Variants in SPTBN1 observed in about 807,000 individuals in gnomAD.
SPTBN1 encodes spectrin beta chain, non-erythrocytic 1.
Under a neutral mutation model 266.4 loss-of-function variants are expected in SPTBN1, and 32 were observed. That is an observed-to-expected ratio of 0.12 (90% confidence interval 0.09 to 0.16). SPTBN1 has a LOEUF of 0.16. Among genes scored for constraint, SPTBN1 ranks in the 10% least tolerant of loss-of-function variants. The probability of loss-of-function intolerance (pLI) is 1.00; values close to 1 mark genes in which losing one functional copy is unlikely to be tolerated. For synonymous variants in SPTBN1, 1,336 were observed against 1,162.2 expected (o/e 1.15, Z -3.04); for missense variants, 2,296 against 3,067.1 (o/e 0.75, Z 5.94).
intron 7 of SPTBN1, among the ~76,000 whole-genome samples, chr2:54,618,509 T>C (rs1677782398): frequency 6.6e-6 from 1 of 152,210 alleles, no homozygotes; most frequent in South Asian, 2.1e-4. Flanking sequence ...TTTAGGGTAA[T>C]AGCAGGGAAT....
intron 2 of SPTBN1, among the ~76,000 whole-genome samples, chr2:54,577,149 A>G (rs759731637): frequency 3.9e-5 from 6 of 152,188 alleles, no homozygotes; most frequent in Non-Finnish European, 8.8e-5. Context: ...ATCTTGGCAC[A>G]GGTCCCGGGA....
At chr2:54,478,839 G>A (rs1667970407) in intron 1 of SPTBN1, among the ~76,000 whole-genome samples, 1 of 152,086 alleles carries the variant, frequency 6.6e-6, no homozygotes, top group Admixed American at 6.6e-5. Flanking sequence ...AATAGAAAGT[G>A]TTCTGAAAAT....
intron 3 of SPTBN1, among the ~76,000 whole-genome samples, chr2:54,606,782 C>T (rs1206471846): frequency 6.6e-6 from 1 of 152,224 alleles, no homozygotes; most frequent in Non-Finnish European, 1.5e-5. Flanking sequence ...ACCGATTACA[C>T]AGGCATCCCT....
intron 2 of SPTBN1, among the ~76,000 whole-genome samples, chr2:54,587,349 A>G (rs1558871881): frequency 6.6e-6 from 1 of 152,174 alleles, no homozygotes; most frequent in African/African-American, 2.4e-5. Flanking sequence ...ATATGTTGCA[A>G]TTATACTACT....
chr2:54,563,593 C>CTTTTT (rs750173696), intron 2 of SPTBN1, among the ~76,000 whole-genome samples: 3 of 64,456 alleles, frequency 4.7e-5, no homozygotes, highest in African/African-American at 6.5e-5. Context: ...AAAATTTATT[C>CTTTTT]TTTTTTTTTT....
At chr2:54,621,372 A>G in intron 7 of SPTBN1, 28 bp from the exon 8 acceptor site, 1 of 1,584,544 alleles carries the variant, frequency 6.3e-7, no homozygotes, top group East Asian at 2.2e-5. Context: ...CATGCAACAC[A>G]CTGAACAGAG....
intron 26 of SPTBN1, among the ~76,000 whole-genome samples, chr2:54,650,679 ATC>A: frequency 2.0e-5 from 3 of 152,330 alleles, no homozygotes; most frequent in Admixed American, 2.0e-4. Flanking sequence ...TATCTAAGTT[ATC>A]TCAGCTTTTT....
At chr2:54,619,263 A>G (rs2941592) in intron 7 of SPTBN1, among the ~76,000 whole-genome samples, 22,063 of 152,268 alleles carry the variant, frequency 0.14, 1,663 homozygotes, top group Middle Eastern at 0.23. Context: ...AGATAAAATT[A>G]TCTTTGTACT....
At chr2:54,663,310 C>T (rs567879738) in intron 32 of SPTBN1, 2 of 152,214 alleles carry the variant, frequency 1.3e-5, no homozygotes, top group Non-Finnish European at 2.9e-5. Flanking sequence ...CCATTGACTT[C>T]TCCATGTTTG....
intron 2 of SPTBN1, among the ~76,000 whole-genome samples, chr2:54,583,584 A>G (rs1251732638): frequency 6.6e-6 from 1 of 152,152 alleles, no homozygotes; most frequent in Non-Finnish European, 1.5e-5. Flanking sequence ...AGTGAATGTC[A>G]CTTTTTAAAA....
chr2:54,611,579 A>G (rs1677216479), intron 3 of SPTBN1, among the ~76,000 whole-genome samples: 1 of 152,146 alleles, frequency 6.6e-6, no homozygotes, highest in East Asian at 1.9e-4. Flanking sequence ...CATTTGGGGT[A>G]TTTAAATTGC....
rs573096660 is a variant in SPTBN1 at position 54,511,133 on chromosome 2, C to T, written c.-47-15239C>T. ...CACCTATGATAAATGCACTGTAAAT[C>T]AGAGATCTCCTTTGTGGTTCTAAAC... On this transcript the variant is annotated intron_variant, in intron 1 of 35. Transcript: ENST00000356805. Among the ~76,000 whole-genome samples the T allele has an allele frequency of 5.9e-5, 9 of 152,324 alleles. No individual in the cohort carries two copies. The South Asian group carries it at 1.9e-3, about 32-fold the overall frequency.
intron 2 of SPTBN1, among the ~76,000 whole-genome samples, chr2:54,565,416 C>A (rs1360336754): frequency 6.6e-6 from 1 of 152,188 alleles, no homozygotes; most frequent in African/African-American, 2.4e-5. Flanking sequence ...AGCCGTTGAA[C>A]ATCTGTCTCA....
chr2:54,612,199 A>G lies in SPTBN1; in HGVS notation c.339A>G (p.Leu113=). The G allele has an allele frequency of 1.2e-6, 2 of 1,613,008 alleles. No homozygotes were observed. The highest frequency in any genetic ancestry group is 1.7e-6 in the Non-Finnish European group (2 of 1,179,282). Residue 113 remains leucine, a synonymous_variant, in exon 4 of 36, where the codon TTA becomes TTG. Transcript: ENST00000356805. ...AGGGACGAATGCGCATCCACTGCTT[A>G]GAGAATGTGGACAAGGCCCTTCAGT... ...PTKGRMRIHC[L]ENVDKALQFL...
Position 54,599,177 on chromosome 2 carries a change from G to A in SPTBN1, c.234G>A (p.Leu78=), listed in dbSNP as rs1676306804. 4 of 1,614,080 alleles carry A rather than the reference G, an allele frequency of 2.5e-6. No homozygotes were observed. Among genetic ancestry groups the A allele is most frequent in the South Asian group, 2.2e-5 (2 of 91,092 alleles). Reference sequence around the variant, plus strand: ...GTGTGTCCTGCCGGATCACAGACCTGTACACTGACCTTCGAGATGGACGGA... The same window carrying A: ...GTGTGTCCTGCCGGATCACAGACCTATACACTGACCTTCGAGATGGACGGA... ...LARVSCRITD[L]YTDLRDGRML... is the part of the protein sequence containing the mutation. The change falls in exon 3 of 36, where the codon CTG becomes CTA. Residue 78 remains leucine (L), a synonymous_variant. Coordinates refer to ENST00000356805, the MANE Select transcript of SPTBN1 (RefSeq NM_003128.3).
chr2:54,614,476 A>G (rs1326256709), intron 4 of SPTBN1, among the ~76,000 whole-genome samples: 1 of 152,088 alleles, frequency 6.6e-6, no homozygotes, highest in Non-Finnish European at 1.5e-5. Context: ...AATACTGATG[A>G]TGACACAGAT....
intron 8 of SPTBN1, 149 bp downstream of exon 8, chr2:54,621,661 A>AGG: frequency 6.6e-6 from 4 of 608,540 alleles, no homozygotes; most frequent in Non-Finnish European, 1.2e-5. Flanking sequence ...TTCATCCTGA[A>AGG]GGGTAACAAG....
intron 2 of SPTBN1, among the ~76,000 whole-genome samples, chr2:54,532,237 C>T (rs543115252): frequency 2.0e-5 from 3 of 152,100 alleles, no homozygotes; most frequent in Admixed American, 6.5e-5. Flanking sequence ...TGCAGTGAGC[C>T]GAGATCACGC....
chr2:54,503,865 C>T (rs1361665364), intron 1 of SPTBN1, among the ~76,000 whole-genome samples: 1 of 152,110 alleles, frequency 6.6e-6, no homozygotes, highest in African/African-American at 2.4e-5. Flanking sequence ...TTGGTGCTGT[C>T]ATAATCTATA....
Sources: allele counts gnomAD v4.1 joint callset (sites outside exome capture counted in the v4.1 genomes callset), GRCh38; gene constraint gnomAD v4.1.1; transcripts MANE v1.5; gene names NCBI Gene and HGNC (gene_info 2026-07-23, HGNC 2026-07-21).